Variants in ASH1L observed in about 807,000 individuals in gnomAD.
ASH1L encodes the protein ASH1 like histone lysine methyltransferase, also known as histone-lysine N-methyltransferase ASH1L.
A neutral mutation model predicts 269.0 loss-of-function variants in ASH1L; 23 were observed. That is an observed-to-expected ratio of 0.09 (90% CI 0.06 to 0.12). ASH1L has a LOEUF of 0.12. ASH1L is among the 10% of genes least tolerant of loss of function. The probability of loss-of-function intolerance (pLI) is 1.00; values close to 1 mark genes in which losing one functional copy is unlikely to be tolerated. For missense variants in ASH1L, 2,912 were observed against 3,567.8 expected (o/e 0.82, Z 4.68); for synonymous variants, 1,187 against 1,253.5 (o/e 0.95, Z 1.12).
intron 1 of ASH1L, among the ~76,000 whole-genome samples, chr1:155,527,888 CCT>C (rs1369021350): frequency 1.3e-5 from 2 of 152,012 alleles, no homozygotes; most frequent in African/African-American, 2.4e-5. Context: ...TGGCTACTAC[CCT>C]CTGTCTCCTT....
chr1:155,410,052 C>G (rs1031810681), intron 6 of ASH1L, among the ~76,000 whole-genome samples: 6 of 151,692 alleles, frequency 4.0e-5, no homozygotes, highest in African/African-American at 1.5e-4. Context: ...GTAATCTCAG[C>G]TACTCGGGAG....
At chr1:155,527,948 A>G (rs1336913287) in intron 1 of ASH1L, among the ~76,000 whole-genome samples, 1 of 151,768 alleles carries the variant, frequency 6.6e-6, no homozygotes, top group African/African-American at 2.4e-5. Flanking sequence ...GGAGTGACGC[A>G]GGGTACCCGG....
At position 155,519,439 on chromosome 1, in the gene ASH1L, A is replaced by AAAAT. The variant is rs1487203121; in HGVS notation, c.420+1657_420+1660dup. Among the ~76,000 whole-genome samples the AAAAT allele has an allele frequency of 3.4e-4, 51 of 152,230 alleles. 1 individual carries two copies. Among genetic ancestry groups the AAAAT allele is most frequent in the East Asian group, 9.7e-4 (5 of 5,178 alleles). ...CAACAAGAGTGAAACTCCAACTCAA[A>AAAAT]AAATAAATAAATAAATAAATAAAAA... On this transcript the variant is annotated intron_variant, in intron 2 of 27. Transcript: ENST00000392403.
intron 1 of ASH1L, among the ~76,000 whole-genome samples, chr1:155,530,302 G>C (rs1052067960): frequency 6.6e-6 from 1 of 152,176 alleles, no homozygotes; most frequent in African/African-American, 2.4e-5. Flanking sequence ...CCAGGAAATA[G>C]ACTTATCAGT....
At chr1:155,496,824 G>A (rs1156377103) in intron 2 of ASH1L, among the ~76,000 whole-genome samples, 3 of 150,566 alleles carry the variant, frequency 2.0e-5, no homozygotes, top group African/African-American at 4.9e-5. Flanking sequence ...TTTAATTTTT[G>A]TAGAGAGGTG....
In ASH1L at chr1:155,336,057, CTCT is replaced by C. The variant is rs540520123; in HGVS notation, c.*1600_*1602del. 9 of 152,426 alleles carry C rather than the reference CTCT, an allele frequency of 5.9e-5. No homozygotes were observed. The highest frequency in any genetic ancestry group is 1.7e-4 in the African/African-American group (7 of 41,324). 9.4% of individuals were successfully genotyped at this position (152,426 alleles called of 1,614,324 possible). On this transcript the variant is annotated 3_prime_UTR_variant, in exon 28 of 28. Transcript: ENST00000392403. ...AATACTCCAAACTATTTTCTTAATT[CTCT>C]TTTTTCTTTAATAAAATATTTATTT... is the stretch of plus-strand genomic sequence containing the variant.
Position 155,480,519 on chromosome 1 carries a change from T to C in ASH1L, c.2351A>G (p.Lys784Arg), listed in dbSNP as rs903879713. 14 of 1,614,032 alleles carry C rather than the reference T, an allele frequency of 8.7e-6. No individual in the cohort carries two copies. The highest frequency in any genetic ancestry group is 2.7e-5 in the African/African-American group (2 of 74,936). The change falls in exon 3 of 28, where the codon AAA (lysine) becomes AGA (arginine). Residue 784 changes from lysine to arginine, a missense_variant. This residue lies in a region of ASH1L where 715 missense variants were observed against 721.0 expected (regional missense o/e 0.99). Coordinates refer to ENST00000392403, the MANE Select transcript of ASH1L (RefSeq NM_018489.3). ...GAGAGCAAGAGATGGAGCTGTGGAT[T>C]TGCTCAACTTTGGCAATCGGCGTTT... is the stretch of plus-strand genomic sequence containing the variant. ...FLKRRLPKLS[K>R]STAPSLALLA...
At chr1:155,406,785 C>A (rs1426972275) in intron 6 of ASH1L, among the ~76,000 whole-genome samples, 1 of 152,116 alleles carries the variant, frequency 6.6e-6, no homozygotes, top group Non-Finnish European at 1.5e-5. Context: ...TAACAATAGT[C>A]ACGGTCAATA....
At position 155,562,706 on chromosome 1, in the gene ASH1L, A is replaced by C. The variant is rs746539385; in HGVS notation, c.-653T>G. 2.0e-6 allele frequency: 3 copies of C among 1,481,872 alleles called. No individual in the cohort carries two copies. The South Asian group carries it at 3.6e-5, about 18-fold the overall frequency. 91.8% of individuals were successfully genotyped at this position (1,481,872 alleles called of 1,614,324 possible). The stretch of plus-strand genomic sequence containing the variant: ...CAGCCCGTACGCGCTCACCCACAGG[A>C]ACCCCCTCGTCCAGTCCCTCACTAC... On this transcript the variant is annotated 5_prime_UTR_variant, in exon 1 of 28. Coordinates refer to ENST00000392403, the MANE Select transcript of ASH1L (RefSeq NM_018489.3).
chr1:155,361,640 G>C (rs568750607), intron 12 of ASH1L, among the ~76,000 whole-genome samples: 4 of 151,170 alleles, frequency 2.6e-5, no homozygotes, highest in African/African-American at 9.7e-5. Context: ...CGGAGGTTGC[G>C]GTGAGCCAAG....
At chr1:155,439,203 T>C in intron 4 of ASH1L, 135 bp from the exon 5 acceptor site, 1 of 959,214 alleles carries the variant, frequency 1.0e-6, no homozygotes, top group Non-Finnish European at 1.4e-6. Flanking sequence ...ATTGATGGTT[T>C]ACTTTCCTGA....
rs768782291 is a variant in ASH1L, at chr1:155,346,119, C to T, written c.7890+264G>A. The T allele has an allele frequency of 1.9e-5, 25 of 1,329,370 alleles. No individual in the cohort carries two copies. In the Middle Eastern group the frequency reaches 8.1e-4, roughly 43 times the overall value. The allele number at this position is 1,329,370 out of a possible 1,614,324, so 82.3% of individuals were successfully genotyped here. ...AGTGTGCTAGGATTACAGGCATGAGCGACCGTGCCCGGCCAAAAACCTTAG... is the reference window on the plus strand; with the variant it reads ...AGTGTGCTAGGATTACAGGCATGAGTGACCGTGCCCGGCCAAAAACCTTAG... On this transcript the variant is annotated intron_variant, in intron 21 of 27. Coordinates refer to ENST00000392403, the MANE Select transcript of ASH1L (RefSeq NM_018489.3).
intron 4 of ASH1L, among the ~76,000 whole-genome samples, chr1:155,449,181 G>A (rs1663270673): frequency 2.6e-5 from 4 of 152,116 alleles, no homozygotes; most frequent in East Asian, 1.9e-4. Context: ...TGATCCACTC[G>A]CCTTGGCCTC....
chr1:155,544,965 G>A (rs1384053942), intron 1 of ASH1L, among the ~76,000 whole-genome samples: 1 of 151,344 alleles, frequency 6.6e-6, no homozygotes, highest in Non-Finnish European at 1.5e-5. Context: ...CTGAGGTCGG[G>A]AGTTCGAGAC....
At chr1:155,558,536 A>G (rs1228593972) in intron 1 of ASH1L, among the ~76,000 whole-genome samples, 1 of 152,170 alleles carries the variant, frequency 6.6e-6, no homozygotes, top group East Asian at 1.9e-4. Context: ...AGAGTAGAAC[A>G]TGAAAATCCT....
chr1:155,497,956 G>A (rs1303834064), intron 2 of ASH1L, among the ~76,000 whole-genome samples: 1 of 151,964 alleles, frequency 6.6e-6, no homozygotes, highest in African/African-American at 2.4e-5. Context: ...GTTTCACCGT[G>A]TTAGCCAGGA....
chr1:155,557,442 G>C (rs1244120680), intron 1 of ASH1L, among the ~76,000 whole-genome samples: 1 of 151,318 alleles, frequency 6.6e-6, no homozygotes, highest in Non-Finnish European at 1.5e-5. Flanking sequence ...TTGTTTTTTG[G>C]GTTTTTTTTT....
At chr1:155,563,000 G>C (rs1235185630), upstream of ASH1L, 3 of 457,790 alleles carry the variant, frequency 6.6e-6, no homozygotes, top group Non-Finnish European at 1.3e-5. Flanking sequence ...AGGAAGGGAC[G>C]GGCCGAGCGG....
upstream of ASH1L, chr1:155,563,042 G>A (rs1365383758): frequency 8.7e-6 from 4 of 458,682 alleles, no homozygotes; most frequent in Non-Finnish European, 1.8e-5. Context: ...GGAATTGCCA[G>A]AATGGCGGAC....
Sources: allele counts gnomAD v4.1 joint callset (sites outside exome capture counted in the v4.1 genomes callset), GRCh38; gene constraint gnomAD v4.1.1; regional missense constraint gnomAD v4.1.1; transcripts MANE v1.5; gene names NCBI Gene and HGNC (gene_info 2026-07-23, HGNC 2026-07-21).